Variants in SOX5 observed in about 807,000 individuals in gnomAD.
The protein encoded by SOX5 is SRY-box transcription factor 5.
Under a neutral mutation model 92.0 loss-of-function variants are expected in SOX5, and 9 were observed. The observed-to-expected ratio is 0.10, with a 90% confidence interval of 0.06 to 0.17. SOX5 has a LOEUF of 0.17. SOX5 is among the 10% of genes least tolerant of loss of function. SOX5 has a pLI of 1.00. For missense variants in SOX5, 642 were observed against 944.5 expected (o/e 0.68, Z 4.20); for synonymous variants, 344 against 336.3 (o/e 1.02, Z -0.25).
intron 9 of SOX5, chr12:23,582,397 A>T: frequency 2.5e-6 from 1 of 404,982 alleles, no homozygotes; most frequent in Non-Finnish European, 3.3e-6. Context: ...GCAAGAGTCA[A>T]AGTAACCTAA....
chr12:23,938,381 A>G (rs1320585151), intron 1 of SOX5, among the ~76,000 whole-genome samples: 2 of 151,158 alleles, frequency 1.3e-5, no homozygotes, highest in African/African-American at 2.4e-5. Flanking sequence ...ATGAAAATCT[A>G]TAATGTGCTA....
At chr12:23,709,360 C>G (rs916199921) in intron 6 of SOX5, among the ~76,000 whole-genome samples, 1 of 152,158 alleles carries the variant, frequency 6.6e-6, no homozygotes, top group Non-Finnish European at 1.5e-5. Context: ...CAACCTCACC[C>G]TCCCAGTGTG....
Position 23,949,558 on chromosome 12 carries a change from A to G in SOX5, c.38+6T>C, listed in dbSNP as rs772056876. ...CAATATATTAGGGGGAAAAAACTGT[A>G]CTCACCTTTCAAACTCCTGAGGTAA... On this transcript the variant is annotated splice_donor_region_variant and intron_variant, in intron 1 of 14. Coordinates refer to ENST00000451604, the MANE Select transcript of SOX5 (RefSeq NM_006940.6). 2 of 1,613,662 alleles carry G rather than the reference A, an allele frequency of 1.2e-6. No individual in the cohort carries two copies.
chr12:24,318,036 C>T (rs1949860078), intron 2 of SOX5, among the ~76,000 whole-genome samples: 1 of 151,970 alleles, frequency 6.6e-6, no homozygotes, highest in East Asian at 1.9e-4. Context: ...CATGGTGAAA[C>T]CCCATCTCTA....
At chr12:23,899,858 G>A (rs2097214092) in intron 1 of SOX5, among the ~76,000 whole-genome samples, 1 of 152,150 alleles carries the variant, frequency 6.6e-6, no homozygotes, top group Non-Finnish European at 1.5e-5. Flanking sequence ...CTTATGAGCT[G>A]GTTGAGAATA....
intron 1 of SOX5, among the ~76,000 whole-genome samples, chr12:24,396,323 C>T (rs1293551647): frequency 1.3e-5 from 2 of 152,100 alleles, no homozygotes; most frequent in African/African-American, 2.4e-5. Flanking sequence ...TCCAGACGGT[C>T]CATGTAAATA....
chr12:23,623,755 C>T (rs1333888889), intron 8 of SOX5, among the ~76,000 whole-genome samples: 1 of 152,052 alleles, frequency 6.6e-6, no homozygotes, highest in East Asian at 1.9e-4. Context: ...AATTAGATAT[C>T]ACCTCACATC....
intron 2 of SOX5, among the ~76,000 whole-genome samples, chr12:23,869,147 T>C (rs1460555826): frequency 2.0e-5 from 3 of 152,148 alleles, no homozygotes; most frequent in Non-Finnish European, 4.4e-5. Flanking sequence ...CTTAACCTAA[T>C]TCCTAGCCTA....
At chr12:23,870,814 G>A (rs894116117) in intron 2 of SOX5, among the ~76,000 whole-genome samples, 24 of 152,114 alleles carry the variant, frequency 1.6e-4, no homozygotes, top group East Asian at 5.8e-4. Flanking sequence ...TGTACTGATC[G>A]TTCAAGTTTT....
At chr12:24,255,484 T>A (rs533289705) in intron 3 of SOX5, among the ~76,000 whole-genome samples, 1 of 152,268 alleles carries the variant, frequency 6.6e-6, no homozygotes, top group East Asian at 1.9e-4. Context: ...TCCAAAACAG[T>A]ACTTTGAGGG....
chr12:24,534,861 G>T (rs1029351967), intron 1 of SOX5, among the ~76,000 whole-genome samples: 15 of 152,332 alleles, frequency 9.8e-5, no homozygotes, highest in African/African-American at 3.1e-4. Context: ...GAGTCCAGAG[G>T]GGATGCGAGG....
chr12:24,067,110 T>C (rs1408600353), intron 4 of SOX5, among the ~76,000 whole-genome samples: 1 of 152,230 alleles, frequency 6.6e-6, no homozygotes, highest in Non-Finnish European at 1.5e-5. Flanking sequence ...ACATGAAAGA[T>C]GACTCACTCG....
chr12:23,657,841 T>A (rs1398339709), intron 7 of SOX5, among the ~76,000 whole-genome samples: 1 of 152,212 alleles, frequency 6.6e-6, no homozygotes, highest in Admixed American at 6.5e-5. Context: ...AGACTCATGT[T>A]GAAAAGAGAA....
At chr12:24,146,118 A>C (rs990101613) in intron 4 of SOX5, among the ~76,000 whole-genome samples, 2 of 152,186 alleles carry the variant, frequency 1.3e-5, no homozygotes, top group African/African-American at 4.8e-5. Context: ...CAAAAATTTG[A>C]AGATTATTGA....
At chr12:24,016,359 T>G (rs901801645) in intron 4 of SOX5, among the ~76,000 whole-genome samples, 1 of 152,184 alleles carries the variant, frequency 6.6e-6, no homozygotes, top group Non-Finnish European at 1.5e-5. Flanking sequence ...AGTCCACATT[T>G]GCTTATGGAC....
intron 3 of SOX5, among the ~76,000 whole-genome samples, chr12:24,256,809 G>A (rs914116616): frequency 3.3e-5 from 5 of 152,120 alleles, no homozygotes; most frequent in Non-Finnish European, 5.9e-5. Context: ...GCCATGTACA[G>A]TTACCCCGTT....
intron 6 of SOX5, among the ~76,000 whole-genome samples, chr12:23,731,460 G>A (rs2093390062): frequency 1.3e-5 from 2 of 152,016 alleles, no homozygotes; most frequent in African/African-American, 2.4e-5. Flanking sequence ...ATATACTGGG[G>A]TATTAGAGTA....
At chr12:24,506,930 A>T (rs1948839980) in intron 1 of SOX5, among the ~76,000 whole-genome samples, 1 of 151,154 alleles carries the variant, frequency 6.6e-6, no homozygotes, top group African/African-American at 2.4e-5. Flanking sequence ...AGCTGGGACT[A>T]CAGGCGCCCG....
intron 1 of SOX5, among the ~76,000 whole-genome samples, chr12:24,480,144 A>C (rs2137786366): frequency 6.6e-6 from 1 of 152,344 alleles, no homozygotes; most frequent in South Asian, 2.1e-4. Context: ...AAAAGTGCCA[A>C]GAACATACAC....
Sources: gnomAD v4.1 joint callset for allele counts (sites outside exome capture counted in the v4.1 genomes callset) on GRCh38, gnomAD v4.1.1 for gene constraint, MANE v1.5 for transcripts, NCBI Gene and HGNC (gene_info 2026-07-23, HGNC 2026-07-21) for gene names.